The following NELL2 variants were observed in gnomAD, a reference collection of about 807,000 sequenced individuals.
NELL2 encodes neural EGFL like 2.
Under a neutral mutation model 109.6 loss-of-function variants are expected in NELL2, and 41 were observed. The ratio of observed to expected loss-of-function variants is 0.37; its 90% CI spans 0.29 to 0.49. The LOEUF (loss-of-function observed/expected upper bound fraction) is 0.49, where lower values mean the gene tolerates loss of function less well. Ranked by LOEUF, NELL2 falls within the 20% of genes least tolerant of loss-of-function variation. The pLI is 0.98. For missense variants in NELL2, 900 were observed against 1,008.3 expected, an observed-to-expected ratio of 0.89 and a Z score of 1.45; for synonymous variants, 355 against 344.7, an observed-to-expected ratio of 1.03 and a Z score of -0.33.
In NELL2 at chr12:44,920,192, G is replaced by A. The variant is rs537407278; in HGVS notation, c.-32+1598C>T. Among the ~76,000 whole-genome samples, 10 of 152,156 alleles carry A rather than the reference G, an allele frequency of 6.6e-5. 1 individual carries two copies. Among genetic ancestry groups the A allele is most frequent in the African/African-American group, 1.4e-4 (6 of 41,552 alleles). On this transcript the variant is annotated intron_variant, in intron 1 of 9. Coordinates refer to the NELL2 transcript ENST00000552993. ...ATAGAAATAAAGTAGAAGAATAAAC[G>A]GGGTCAAGAAATGAGAGCACTTTCT...
intron 1 of NELL2, among the ~76,000 whole-genome samples, chr12:44,909,601 T>C (rs1413142614): frequency 6.6e-6 from 1 of 151,892 alleles, no homozygotes; most frequent in Non-Finnish European, 1.5e-5. Flanking sequence ...AAAATTCATA[T>C]GGAACCAAAA....
chr12:44,714,217 T>C (rs887669159), intron 10 of NELL2, among the ~76,000 whole-genome samples: 2 of 152,008 alleles, frequency 1.3e-5, no homozygotes, highest in African/African-American at 4.8e-5. Context: ...GGGAATTAGA[T>C]AAATATCAGT....
intron 12 of NELL2, among the ~76,000 whole-genome samples, chr12:44,683,887 T>G (rs1337975535): frequency 6.6e-6 from 1 of 152,222 alleles, no homozygotes; most frequent in Non-Finnish European, 1.5e-5. Context: ...TTCTCTTTTT[T>G]GGTTGTGTCT....
Position 44,521,892 on chromosome 12 carries a change from C to T in NELL2, c.2175+108G>A, listed in dbSNP as rs558653234. The T allele has an allele frequency of 6.3e-5, 68 of 1,082,420 alleles. No individual in the cohort carries two copies. The African/African-American group carries it at 9.9e-4, about 16-fold the overall frequency. 67.1% of individuals were successfully genotyped at this position (1,082,420 alleles called of 1,614,324 possible). A position where few individuals can be genotyped will look rare whatever the true frequency, so the allele number is the denominator to read the frequency against. On this transcript the variant is annotated intron_variant, in intron 18 of 19. Coordinates refer to ENST00000429094, the MANE Select transcript of NELL2 (RefSeq NM_001145108.2). ...AACCAGGCTCACTGTTTATAACTGT[C>T]AACACTGTGGCCTGGTGCTAGGTAT...
chr12:44,701,132 C>A (rs1256119873), intron 12 of NELL2, among the ~76,000 whole-genome samples: 1 of 151,800 alleles, frequency 6.6e-6, no homozygotes, highest in Non-Finnish European at 1.5e-5. Context: ...TCTAAGAAGT[C>A]AAAACATCCT....
In NELL2 at chr12:44,665,518, A is replaced by T; in HGVS notation, c.1410T>A (p.Thr470=). 6.2e-7 allele frequency: 1 copy of T among 1,613,590 alleles called. No homozygotes were observed. Among genetic ancestry groups the T allele is most frequent in the South Asian group, 1.1e-5 (1 of 91,066 alleles). Residue 470 remains threonine, a synonymous_variant, in exon 13 of 20, where the codon ACT becomes ACA. Transcript: ENST00000429094. ...AATAATCATCAATTCTGATGTATCC[A>T]GTTTTGCAGATGCACATAAAAGAAC... The part of the protein sequence containing the change: ...TPGSFMCICK[T]GYIRIDDYSC...
chr12:44,809,392 AAT>A (rs1409009832), intron 3 of NELL2, among the ~76,000 whole-genome samples: 2 of 152,076 alleles, frequency 1.3e-5, no homozygotes, highest in Non-Finnish European at 2.9e-5. Flanking sequence ...TTCGAAACAC[AAT>A]AGTCAGAAAA....
At chr12:44,723,863 C>T (rs1293499328) in intron 9 of NELL2, among the ~76,000 whole-genome samples, 1 of 152,044 alleles carries the variant, frequency 6.6e-6, no homozygotes, top group Non-Finnish European at 1.5e-5. Context: ...AGTACAACTA[C>T]CATTCAACCC....
At chr12:44,805,995 TTC>T (rs1328241564) in intron 3 of NELL2, among the ~76,000 whole-genome samples, 1 of 151,886 alleles carries the variant, frequency 6.6e-6, no homozygotes, top group Non-Finnish European at 1.5e-5. Flanking sequence ...TGAATTAGCC[TTC>T]TCTTTTTTTA....
chr12:44,570,912 T>C (rs1482763997), intron 15 of NELL2, among the ~76,000 whole-genome samples: 1 of 150,834 alleles, frequency 6.6e-6, no homozygotes, highest in Non-Finnish European at 1.5e-5. Flanking sequence ...TGTATGGTAC[T>C]GCTTTCTTGC....
chr12:44,875,177 G>A (rs1945276923), intron 2 of NELL2, 48 bp downstream of exon 2: 1 of 1,582,086 alleles, frequency 6.3e-7, no homozygotes, highest in Admixed American at 1.7e-5. Flanking sequence ...CTCCTGCCGG[G>A]GTTATCGGAA....
At chr12:44,629,052 T>C (rs753989983) in intron 13 of NELL2, among the ~76,000 whole-genome samples, 2 of 152,202 alleles carry the variant, frequency 1.3e-5, no homozygotes, top group Non-Finnish European at 2.9e-5. Context: ...TGATATTATG[T>C]AAAGTGTATC....
chr12:44,672,105 G>A (rs941064505), intron 12 of NELL2, among the ~76,000 whole-genome samples: 7 of 152,176 alleles, frequency 4.6e-5, no homozygotes, highest in Admixed American at 4.6e-4. Flanking sequence ...TCTAGAACAG[G>A]ACAGTGAGTC....
At chr12:44,919,813 A>C (rs1945855860) in intron 1 of NELL2, among the ~76,000 whole-genome samples, 2 of 152,222 alleles carry the variant, frequency 1.3e-5, no homozygotes, top group Admixed American at 1.3e-4. Flanking sequence ...TGTTTAAGGC[A>C]TTCAGTTTGT....
chr12:44,521,856 C>A (rs1371927713), intron 18 of NELL2, 144 bp downstream of exon 18: 2 of 726,428 alleles, frequency 2.8e-6, no homozygotes, highest in Non-Finnish European at 4.5e-6. Flanking sequence ...TAACTATCAC[C>A]TCATCATCCT....
Position 44,675,620 on chromosome 12 carries a change from C to A in NELL2, c.1319-10011G>T, listed in dbSNP as rs114056950. Among the ~76,000 whole-genome samples the A allele has an allele frequency of 3.9e-3, 597 of 152,124 alleles. 1 individual carries two copies. The highest frequency in any genetic ancestry group is 0.014 in the African/African-American group (570 of 41,506). ...GAGAGGAACTTTAGAAATCATCTAA[C>A]CCCAGTAATTTAGAATTGAAGAAAC... On this transcript the variant is annotated intron_variant, in intron 12 of 19. Transcript: ENST00000429094.
At chr12:44,755,489 C>A (rs957412859) in intron 9 of NELL2, among the ~76,000 whole-genome samples, 1 of 151,708 alleles carries the variant, frequency 6.6e-6, no homozygotes, top group African/African-American at 2.4e-5. Flanking sequence ...ATTCTGACAT[C>A]CATGTGATTG....
intron 2 of NELL2, among the ~76,000 whole-genome samples, chr12:44,835,528 G>A (rs1944028438): frequency 6.6e-6 from 1 of 152,170 alleles, no homozygotes; most frequent in Non-Finnish European, 1.5e-5. Flanking sequence ...CAGCCGCTCA[G>A]GGCCAACACA....
At chr12:44,527,796 T>C (rs1440668819) in intron 16 of NELL2, among the ~76,000 whole-genome samples, 1 of 152,054 alleles carries the variant, frequency 6.6e-6, no homozygotes, top group African/African-American at 2.4e-5. Flanking sequence ...ATGTGTTCTT[T>C]TAAAAAACTC....
Sources: allele counts gnomAD v4.1 joint callset (sites outside exome capture counted in the v4.1 genomes callset), GRCh38; gene constraint gnomAD v4.1.1; transcripts MANE v1.5; gene names NCBI Gene and HGNC (gene_info 2026-07-23, HGNC 2026-07-21).